The following PKIB variants were observed in gnomAD, a reference collection of about 807,000 sequenced individuals.
The protein encoded by PKIB is cAMP-dependent protein kinase inhibitor beta.
A neutral mutation model predicts 4.5 loss-of-function variants in PKIB; 2 were observed. That is an observed-to-expected ratio of 0.44 (90% CI 0.18 to 1.39). The LOEUF (loss-of-function observed/expected upper bound fraction) is 1.39, where lower values mean the gene tolerates loss of function less well. Ranked by LOEUF, PKIB falls within the 40% of genes most tolerant of loss-of-function variation. PKIB has a pLI of 0.27. For missense variants in PKIB, 94 were observed against 92.6 expected (o/e 1.02, Z -0.06); for synonymous variants, 38 against 36.0 (o/e 1.06, Z -0.20).
chr6:122,511,332 C>T (rs1347983114), intron 2 of PKIB, among the ~76,000 whole-genome samples: 1 of 152,230 alleles, frequency 6.6e-6, no homozygotes, highest in Non-Finnish European at 1.5e-5. Context: ...TTTTACCCCA[C>T]CACACTTCAA....
At chr6:122,591,748 G>C (rs989784129) in intron 3 of PKIB, among the ~76,000 whole-genome samples, 1 of 151,954 alleles carries the variant, frequency 6.6e-6, no homozygotes. Context: ...ATCTCACTCT[G>C]TTGCCCAGGC....
intron 2 of PKIB, among the ~76,000 whole-genome samples, chr6:122,506,990 C>A (rs879835364): frequency 6.6e-6 from 1 of 152,002 alleles, no homozygotes; most frequent in Admixed American, 6.6e-5. Context: ...CATGAGCCAC[C>A]GCGCCCGGCC....
chr6:122,641,890 AC>A (rs1234718652), intron 2 of PKIB, among the ~76,000 whole-genome samples: 1 of 152,056 alleles, frequency 6.6e-6, no homozygotes, highest in Admixed American at 6.6e-5. Context: ...ACCAGGTTTC[AC>A]CATATTGGCC....
intron 2 of PKIB, among the ~76,000 whole-genome samples, chr6:122,488,964 C>T (rs192124428): frequency 6.6e-6 from 1 of 152,220 alleles, no homozygotes; most frequent in Non-Finnish European, 1.5e-5. Flanking sequence ...ATTTGTAACT[C>T]ATTTATCCAA....
At chr6:122,596,472 A>G (rs1253047437) in intron 3 of PKIB, among the ~76,000 whole-genome samples, 1 of 152,198 alleles carries the variant, frequency 6.6e-6, no homozygotes, top group African/African-American at 2.4e-5. Context: ...TTGATGATGG[A>G]ATGCTGCTGT....
At chr6:122,554,289 GA>G (rs1246470320) in intron 2 of PKIB, among the ~76,000 whole-genome samples, 4 of 152,154 alleles carry the variant, frequency 2.6e-5, no homozygotes, top group African/African-American at 9.7e-5. Context: ...AAAGATTCTT[GA>G]ATTTTCCAGG....
chr6:122,525,051 G>T (rs927697232), intron 2 of PKIB, among the ~76,000 whole-genome samples: 13 of 147,926 alleles, frequency 8.8e-5, no homozygotes, highest in Non-Finnish European at 1.8e-4. Flanking sequence ...TGCAGTGTTA[G>T]GTTGTTAATT....
At chr6:122,530,715 C>T (rs1324211100) in intron 2 of PKIB, among the ~76,000 whole-genome samples, 1 of 152,162 alleles carries the variant, frequency 6.6e-6, no homozygotes, top group Non-Finnish European at 1.5e-5. Flanking sequence ...CTTCTAAACT[C>T]TCCCAGTCAG....
intron 3 of PKIB, among the ~76,000 whole-genome samples, chr6:122,679,906 A>G (rs141355948): frequency 3.3e-5 from 5 of 152,218 alleles, no homozygotes; most frequent in Non-Finnish European, 7.3e-5. Context: ...TGCCTTGTAT[A>G]AGGTCCCTTA....
chr6:122,488,705 T>C (rs1175745467), intron 2 of PKIB, among the ~76,000 whole-genome samples: 1 of 152,158 alleles, frequency 6.6e-6, no homozygotes, highest in Non-Finnish European at 1.5e-5. Flanking sequence ...TGTTCTACGT[T>C]AGAGAAGAAT....
intron 2 of PKIB, among the ~76,000 whole-genome samples, chr6:122,553,481 C>CTTTTTTTTTTTTTTT (rs533553939): frequency 0.051 from 3,378 of 65,608 alleles, 870 homozygotes; most frequent in Admixed American, 0.096. Flanking sequence ...CAAATATCTT[C>CTTTTTTTTTTTTTTT]TTTTTTTTTT....
chr6:122,664,362 C>T (rs1444013938), intron 2 of PKIB, among the ~76,000 whole-genome samples: 3 of 152,154 alleles, frequency 2.0e-5, no homozygotes, highest in Admixed American at 2.0e-4. Context: ...TAGTCATTCT[C>T]AGATTAAAGG....
At chr6:122,611,852 G>T (rs1774773618) in intron 1 of PKIB, among the ~76,000 whole-genome samples, 1 of 152,174 alleles carries the variant, frequency 6.6e-6, no homozygotes, top group Admixed American at 6.5e-5. Flanking sequence ...AGTGTGCCGG[G>T]TGCTGGTCAA....
Position 122,653,452 on chromosome 6 carries a change from G to C in PKIB, c.-76+20085G>C, listed in dbSNP as rs150848647. On this transcript the variant is annotated intron_variant, in intron 2 of 4. Coordinates refer to ENST00000368452, the MANE Select transcript of PKIB (RefSeq NM_181795.3). ...GGAAAGACATAAATTGCTCCGACAGGATTGCAGGTGCCAATCTACAGCTGT... is the reference window on the plus strand; with the variant it reads ...GGAAAGACATAAATTGCTCCGACAGCATTGCAGGTGCCAATCTACAGCTGT... Among the ~76,000 whole-genome samples the C allele has an allele frequency of 2.3e-3, 353 of 152,138 alleles. 2 individuals carry two copies. Among genetic ancestry groups the C allele is most frequent in the African/African-American group, 8.1e-3 (338 of 41,512 alleles).
chr6:122,618,487 C>T (rs958209464), intron 1 of PKIB, among the ~76,000 whole-genome samples: 4 of 151,708 alleles, frequency 2.6e-5, no homozygotes, highest in South Asian at 2.1e-4. Flanking sequence ...AGATAATATA[C>T]GTTGCAATGA....
chr6:122,615,234 A>T (rs568197751), intron 1 of PKIB, among the ~76,000 whole-genome samples: 4 of 152,208 alleles, frequency 2.6e-5, no homozygotes, highest in Non-Finnish European at 5.9e-5. Flanking sequence ...CTAACATGCC[A>T]TGAAGCTGTG....
chr6:122,701,937 G>A (rs1432409778), intron 3 of PKIB, among the ~76,000 whole-genome samples: 1 of 152,106 alleles, frequency 6.6e-6, no homozygotes. Context: ...ACAACCAGGG[G>A]CTGTGGGAGT....
chr6:122,680,138 CTGAT>C (rs1404972156), intron 3 of PKIB, among the ~76,000 whole-genome samples: 1 of 152,102 alleles, frequency 6.6e-6, no homozygotes, highest in Non-Finnish European at 1.5e-5. Context: ...TTCACAAAGG[CTGAT>C]TAATTGGAGA....
chr6:122,580,489 C>G (rs890749661), intron 2 of PKIB, among the ~76,000 whole-genome samples: 2 of 151,968 alleles, frequency 1.3e-5, no homozygotes, highest in African/African-American at 4.8e-5. Flanking sequence ...TATGCTTTTT[C>G]TCATTCTCTT....
Sources: allele counts gnomAD v4.1 joint callset (sites outside exome capture counted in the v4.1 genomes callset), GRCh38; gene constraint gnomAD v4.1.1; transcripts MANE v1.5; gene names NCBI Gene and HGNC (gene_info 2026-07-23, HGNC 2026-07-21).